The following WRN variants were observed in gnomAD, a reference collection of about 807,000 sequenced individuals.
WRN encodes bifunctional 3'-5' exonuclease/ATP-dependent helicase WRN.
A neutral mutation model predicts 180.7 loss-of-function variants in WRN; 149 were observed. The observed-to-expected ratio is 0.82, with a 90% CI of 0.72 to 0.94. The LOEUF is 0.94. Ranked by LOEUF, WRN falls within the 40% of genes least tolerant of loss-of-function variation. WRN has a pLI of 0.00. For synonymous variants in WRN, 548 were observed against 568.9 expected, an observed-to-expected ratio of 0.96 and a Z score of 0.52; for missense variants, 1,661 against 1,700.1, an observed-to-expected ratio of 0.98 and a Z score of 0.40.
intron 4 of WRN, among the ~76,000 whole-genome samples, 167 bp from the exon 5 acceptor site, chr8:31,064,748 A>C (rs555043639): frequency 1.2e-4 from 19 of 152,344 alleles, no homozygotes; most frequent in Middle Eastern, 3.4e-3. Context: ...GTCATTTATC[A>C]ATCAGGACTG....
intron 1 of WRN, among the ~76,000 whole-genome samples, chr8:31,043,553 A>G (rs73579556): frequency 0.018 from 2,767 of 152,264 alleles, 66 homozygotes; most frequent in African/African-American, 0.064. Context: ...CTTCTTTCTT[A>G]GTGTTAAGGT....
intron 34 of WRN, among the ~76,000 whole-genome samples, chr8:31,167,856 G>A (rs553287151): frequency 5.3e-5 from 8 of 152,166 alleles, no homozygotes; most frequent in East Asian, 3.9e-4. Context: ...TTAAATGATG[G>A]CATAAATTTG....
In WRN at chr8:31,049,788, G is replaced by A. The variant is rs115859764; in HGVS notation, c.-76-8584G>A. On this transcript the variant is annotated intron_variant, in intron 1 of 34. Transcript: ENST00000298139. Reference sequence around the variant, plus strand: ...GATCCCAGTATACTATAGGGAATGAGGTATAATAGAAGTAAAAGACCTATC... The same window carrying A: ...GATCCCAGTATACTATAGGGAATGAAGTATAATAGAAGTAAAAGACCTATC... Among the ~76,000 whole-genome samples, 1,120 of 152,028 alleles carry A rather than the reference G, an allele frequency of 7.4e-3. 16 individuals carry two copies. Among genetic ancestry groups the A allele is most frequent in the African/African-American group, 0.026 (1,079 of 41,486 alleles).
chr8:31,111,267 C>T (rs1162357218), intron 18 of WRN, among the ~76,000 whole-genome samples: 1 of 152,048 alleles, frequency 6.6e-6, no homozygotes, highest in Non-Finnish European at 1.5e-5. Flanking sequence ...TACCCCCCTG[C>T]TTATATCAGC....
At chr8:31,071,127 G>A (rs1381426713) in intron 7 of WRN, among the ~76,000 whole-genome samples, 1 of 151,936 alleles carries the variant, frequency 6.6e-6, no homozygotes, top group African/African-American at 2.4e-5. Context: ...AAGTTACAGA[G>A]GTGAGAGAAA....
rs1487621362 is a variant in WRN at position 31,142,644 on chromosome 8, G to A, written c.3252G>A (p.Ser1084=). Residue 1084 remains serine (S), a synonymous_variant, in exon 27 of 35, where the codon TCG becomes TCA. Transcript: ENST00000298139. ...TTTTTAGTTCGAAAACTGTATCTTCGGGCACCAAAGAGCATTGTTATAATC... is the reference window on the plus strand; with the variant it reads ...TTTTTAGTTCGAAAACTGTATCTTCAGGCACCAAAGAGCATTGTTATAATC... ...LLLPSSKTVS[S]GTKEHCYNQV... The A allele has an allele frequency of 1.3e-6, 2 of 1,597,334 alleles. No individual in the cohort carries two copies. Among genetic ancestry groups the A allele is most frequent in the Non-Finnish European group, 1.7e-6 (2 of 1,172,448 alleles).
Position 31,147,431 on chromosome 8 carries a change from C to T in WRN, c.3527C>T (p.Ala1176Val). The change falls in exon 30 of 35, where the codon GCT becomes GTT. Residue 1176 changes from alanine to valine, a missense_variant. This residue lies in a region of WRN where 1,141 missense variants were observed against 1,149.4 expected (regional missense o/e 0.99). Coordinates refer to ENST00000298139, the MANE Select transcript of WRN (RefSeq NM_000553.6). ...GCCAATAAAATGGATGTTCCCCCAG[C>T]TATTCTGGCAACAAACAAGATACTG... ...KHANKMDVPP[A>V]ILATNKILVD... The T allele has an allele frequency of 6.2e-7, 1 of 1,614,066 alleles. No homozygotes were observed. Among genetic ancestry groups the T allele is most frequent in the Non-Finnish European group, 8.5e-7 (1 of 1,179,960 alleles).
chr8:31,119,992 A>C, intron 20 of WRN: 1 of 466,624 alleles, frequency 2.1e-6, no homozygotes, highest in Non-Finnish European at 3.9e-6. Flanking sequence ...TCTTGTATTC[A>C]TAGGAGTTCA....
Position 31,090,898 on chromosome 8 carries a change from C to A in WRN, c.1785C>A (p.Ile595=). The change falls in exon 15 of 35, where the codon ATC becomes ATA. Residue 595 remains isoleucine, a synonymous_variant. Coordinates refer to ENST00000298139, the MANE Select transcript of WRN (RefSeq NM_000553.6). The stretch of plus-strand genomic sequence containing the variant: ...ATGTAGGCAAGATTGGCCTTGTTAT[C>A]TCTCCCCTTATTTCTCTGATGGAAG... The part of the protein sequence containing the change: ...PVYVGKIGLV[I]SPLISLMEDQ... 1 of 1,612,810 alleles carries A rather than the reference C, an allele frequency of 6.2e-7. No homozygotes were observed. Among genetic ancestry groups the A allele is most frequent in the Non-Finnish European group, 8.5e-7 (1 of 1,179,262 alleles).
rs11574250 is a variant in WRN, at chr8:31,091,835, C to T, written c.1835C>T (p.Ser612Phe). ...ATTTGTTTTTCTTCTTATAGAATGT[C>T]CAACATCCCAGCTTGCTTCCTTGGA... is the stretch of plus-strand genomic sequence containing the variant. ...MEDQVLQLKM[S>F]NIPACFLGSA... Residue 612 changes from serine (S) to phenylalanine (F), a missense_variant, in exon 16 of 35, where the codon TCC (serine) becomes TTC (phenylalanine). Transcript: ENST00000298139. The T allele has an allele frequency of 6.2e-7, 1 of 1,612,866 alleles. No homozygotes were observed. The highest frequency in any genetic ancestry group is 1.3e-5 in the African/African-American group (1 of 74,852).
At chr8:31,125,119 G>A in intron 23 of WRN, 119 bp downstream of exon 23, 1 of 981,984 alleles carries the variant, frequency 1.0e-6, no homozygotes, top group Non-Finnish European at 1.6e-6. Context: ...AACAATGAAT[G>A]TGTTTAGATA....
At chr8:31,110,009 G>T (rs1375791998) in intron 18 of WRN, among the ~76,000 whole-genome samples, 1 of 152,050 alleles carries the variant, frequency 6.6e-6, no homozygotes, top group Non-Finnish European at 1.5e-5. Flanking sequence ...TTTTCTTATG[G>T]ACTGTATCCT....
intron 1 of WRN, among the ~76,000 whole-genome samples, chr8:31,045,550 C>T (rs1811829538): frequency 1.3e-5 from 2 of 151,924 alleles, no homozygotes; most frequent in Admixed American, 1.3e-4. Context: ...TTACAGCACT[C>T]GCTGCCACAC....
chr8:31,149,907 T>C (rs1053578966), intron 30 of WRN, among the ~76,000 whole-genome samples: 1 of 152,234 alleles, frequency 6.6e-6, no homozygotes, highest in Non-Finnish European at 1.5e-5. Flanking sequence ...TTGGCAGATA[T>C]ACTGTTACAG....
chr8:31,135,555 A>G (rs577962481), intron 24 of WRN, among the ~76,000 whole-genome samples: 1 of 152,372 alleles, frequency 6.6e-6, no homozygotes, highest in South Asian at 2.1e-4. Flanking sequence ...ATGAATACAT[A>G]TAAATGCTGT....
rs11574199 is a variant in WRN, at chr8:31,064,802, TTTAAAA to T, written c.356-109_356-104del. The T allele has an allele frequency of 1.9e-3, 2,473 of 1,276,304 alleles. 6 individuals carry two copies. Among genetic ancestry groups the T allele is most frequent in the Non-Finnish European group, 2.5e-3 (2,240 of 909,752 alleles). The allele number at this position is 1,276,304 out of a possible 1,614,324, so 79.1% of individuals were successfully genotyped here. On this transcript the variant is annotated intron_variant, in intron 4 of 34. Transcript: ENST00000298139. Reference sequence around the variant, plus strand: ...TACTCAAGGTCAATGTGTTTCTGAATTTAAAATTACTGTTAAATACAAATTTACACA... The same window carrying T: ...TACTCAAGGTCAATGTGTTTCTGAATTTACTGTTAAATACAAATTTACACA...
chr8:31,155,176 C>G (rs1054748958), intron 32 of WRN, among the ~76,000 whole-genome samples: 1 of 152,196 alleles, frequency 6.6e-6, no homozygotes, highest in African/African-American at 2.4e-5. Flanking sequence ...CTTATATAGT[C>G]ACATATTCTT....
chr8:31,096,825 G>C lies in WRN; in HGVS notation c.1956G>C (p.Leu652=), dbSNP rs2130203357. The C allele has an allele frequency of 6.2e-7, 1 of 1,612,644 alleles. No homozygotes were observed. Among genetic ancestry groups the C allele is most frequent in the Non-Finnish European group, 8.5e-7 (1 of 1,179,712 alleles). ...AATACTGTTCAGGTAACATGGGCCT[G>C]CTCCAGCAACTTGAGGCTGATATTG... The part of the protein sequence containing the change: ...TPEYCSGNMG[L]LQQLEADIGI... The change falls in exon 17 of 35, where the codon CTG becomes CTC. Residue 652 remains leucine, a synonymous_variant. Coordinates refer to ENST00000298139, the MANE Select transcript of WRN (RefSeq NM_000553.6).
At chr8:31,157,321 G>A in intron 32 of WRN, 47 bp from the exon 33 acceptor site, 2 of 1,610,672 alleles carry the variant, frequency 1.2e-6, no homozygotes, top group South Asian at 1.1e-5. Context: ...CATGACTGGA[G>A]TGGACACTTT....
Sources: allele counts gnomAD v4.1 joint callset (sites outside exome capture counted in the v4.1 genomes callset), GRCh38; gene constraint gnomAD v4.1.1; regional missense constraint gnomAD v4.1.1; transcripts MANE v1.5; gene names NCBI Gene and HGNC (gene_info 2026-07-23, HGNC 2026-07-21).